Variants in ASTN2 observed in about 807,000 individuals in gnomAD.
ASTN2 encodes the protein astrotactin-2.
ASTN2 carries 54 observed loss-of-function variants against 139.8 expected under a neutral mutation model. That is an observed-to-expected ratio of 0.39 (90% confidence interval 0.31 to 0.48). The LOEUF is 0.48. ASTN2 is among the 20% of genes least tolerant of loss of function. The probability of loss-of-function intolerance (pLI) is 0.95; values close to 1 mark genes in which losing one functional copy is unlikely to be tolerated. For missense variants in ASTN2, 1,565 were observed against 1,725.1 expected (o/e 0.91, Z 1.64); for synonymous variants, 756 against 719.5 (o/e 1.05, Z -0.81).
At chr9:116,496,189 T>C (rs1470084225) in intron 19 of ASTN2, among the ~76,000 whole-genome samples, 3 of 152,230 alleles carry the variant, frequency 2.0e-5, no homozygotes, top group Non-Finnish European at 4.4e-5. Flanking sequence ...TGGATTGATA[T>C]ATTGCCTGTA....
At chr9:116,625,091 T>C (rs908721459) in intron 17 of ASTN2, among the ~76,000 whole-genome samples, 11 of 152,266 alleles carry the variant, frequency 7.2e-5, no homozygotes, top group East Asian at 3.9e-4. Flanking sequence ...TTGGTGCTTC[T>C]AGCCAAAAAG....
intron 10 of ASTN2, among the ~76,000 whole-genome samples, chr9:116,963,102 A>C (rs1315961538): frequency 6.6e-6 from 1 of 152,216 alleles, no homozygotes; most frequent in African/African-American, 2.4e-5. Context: ...ACTCCAATGC[A>C]ATATAAGGCA....
chr9:117,322,109 G>A (rs1417653136), intron 1 of ASTN2, among the ~76,000 whole-genome samples: 1 of 138,722 alleles, frequency 7.2e-6, no homozygotes, highest in Non-Finnish European at 1.6e-5. Context: ...AGCCTTTATT[G>A]CTCCATAATT....
At chr9:117,113,666 A>C (rs1023711472) in intron 4 of ASTN2, among the ~76,000 whole-genome samples, 35 of 113,732 alleles carry the variant, frequency 3.1e-4, no homozygotes, top group African/African-American at 1.2e-3. Context: ...CAAAAAACAA[A>C]ACAAAACAAA....
intron 3 of ASTN2, among the ~76,000 whole-genome samples, chr9:117,146,155 A>G (rs1830189832): frequency 6.6e-6 from 1 of 152,134 alleles, no homozygotes. Context: ...CCCATTCAGC[A>G]GCTCTATCGA....
chr9:116,659,147 C>T (rs1043372735), intron 16 of ASTN2, among the ~76,000 whole-genome samples: 14 of 151,986 alleles, frequency 9.2e-5, no homozygotes, highest in African/African-American at 2.9e-4. Context: ...TGAACTGAAT[C>T]GTTTATATCC....
chr9:117,249,520 T>C (rs1431476208), intron 2 of ASTN2, among the ~76,000 whole-genome samples: 1 of 152,158 alleles, frequency 6.6e-6, no homozygotes, highest in African/African-American at 2.4e-5. Context: ...AATGAAATTT[T>C]ACACTCAAAG....
In ASTN2 at chr9:116,618,609, C is replaced by A. The variant is rs539559257; in HGVS notation, c.3207-137G>T. On this transcript the variant is annotated intron_variant, in intron 18 of 22. Transcript: ENST00000313400. ...GATTCCACCCATGATCGCCAACTTG[C>A]ATGACCGTAGGCAAGTTATTTCCCC... is the stretch of plus-strand genomic sequence containing the variant. The A allele has an allele frequency of 2.4e-5, 25 of 1,047,386 alleles. No individual in the cohort carries two copies. In the East Asian group the frequency reaches 6.3e-4, roughly 26 times the overall value. The allele number at this position is 1,047,386 out of a possible 1,614,324, so 64.9% of individuals were successfully genotyped here.
chr9:116,913,446 A>G (rs1333601332), intron 10 of ASTN2, among the ~76,000 whole-genome samples: 3 of 152,058 alleles, frequency 2.0e-5, no homozygotes, highest in Non-Finnish European at 4.4e-5. Flanking sequence ...TTCCACAAGA[A>G]CTCCAGGCTC....
At chr9:116,510,300 A>G (rs935743825) in intron 19 of ASTN2, among the ~76,000 whole-genome samples, 1 of 152,172 alleles carries the variant, frequency 6.6e-6, no homozygotes, top group African/African-American at 2.4e-5. Context: ...CAGGTTTGTC[A>G]AAGATCAGAT....
chr9:116,766,729 C>G (rs917274564), intron 13 of ASTN2, among the ~76,000 whole-genome samples: 19 of 151,878 alleles, frequency 1.3e-4, no homozygotes, highest in African/African-American at 4.6e-4. Flanking sequence ...ATCACACACA[C>G]AAGCTCACAC....
intron 2 of ASTN2, among the ~76,000 whole-genome samples, chr9:117,247,376 C>T (rs1284860392): frequency 6.6e-6 from 1 of 152,156 alleles, no homozygotes; most frequent in East Asian, 1.9e-4. Context: ...GCAGCCCCAT[C>T]ATTGATGAAG....
intron 5 of ASTN2, among the ~76,000 whole-genome samples, chr9:117,061,533 T>G (rs1257223721): frequency 3.9e-5 from 6 of 152,152 alleles, no homozygotes; most frequent in Non-Finnish European, 8.8e-5. Context: ...CAGGTGCTCT[T>G]TTAGCACACA....
intron 6 of ASTN2, among the ~76,000 whole-genome samples, chr9:117,034,969 A>G (rs1015166200): frequency 2.0e-5 from 3 of 152,152 alleles, no homozygotes; most frequent in African/African-American, 7.2e-5. Context: ...GTAAACATTG[A>G]GTATAACTAT....
At chr9:116,621,491 C>T (rs1856151998) in intron 17 of ASTN2, among the ~76,000 whole-genome samples, 1 of 151,770 alleles carries the variant, frequency 6.6e-6, no homozygotes, top group Non-Finnish European at 1.5e-5. Context: ...GGAATATTCC[C>T]CTCTCTGCAC....
chr9:116,861,217 ACACAC>A (rs1832872593), intron 11 of ASTN2, among the ~76,000 whole-genome samples: 1 of 9,552 alleles, frequency 1.0e-4, no homozygotes, highest in Non-Finnish European at 5.4e-4. Context: ...CCCAAGCTAC[ACACAC>A]ACACACACAC....
chr9:116,874,496 CA>C (rs1157025977), intron 10 of ASTN2, among the ~76,000 whole-genome samples: 3 of 152,096 alleles, frequency 2.0e-5, no homozygotes, highest in Non-Finnish European at 4.4e-5. Flanking sequence ...GTCTTTAGAA[CA>C]AAGAGAAAAT....
intron 7 of ASTN2, among the ~76,000 whole-genome samples, chr9:116,977,827 C>T (rs1588454741): frequency 6.6e-6 from 1 of 150,912 alleles, no homozygotes; most frequent in South Asian, 2.1e-4. Flanking sequence ...AGTGATTCTC[C>T]CGTCTCAGCC....
chr9:116,440,875 A>C (rs911943476), intron 21 of ASTN2, 83 bp from the exon 22 acceptor site: 36 of 1,395,290 alleles, frequency 2.6e-5, no homozygotes, highest in Non-Finnish European at 3.5e-5. Flanking sequence ...TAAGAAAGGC[A>C]CAGTGGTGAG....
Sources: allele counts gnomAD v4.1 joint callset (sites outside exome capture counted in the v4.1 genomes callset), GRCh38; gene constraint gnomAD v4.1.1; transcripts MANE v1.5; gene names NCBI Gene and HGNC (gene_info 2026-07-23, HGNC 2026-07-21).